The following RHBDL2 variants were observed in gnomAD, a reference collection of about 807,000 sequenced individuals.
RHBDL2 encodes the protein rhomboid like 2, also known as rhomboid-related protein 2.
Under a neutral mutation model 31.7 loss-of-function variants are expected in RHBDL2, and 26 were observed. The ratio of observed to expected loss-of-function variants is 0.82; its 90% confidence interval spans 0.60 to 1.14. The LOEUF (loss-of-function observed/expected upper bound fraction) is 1.14. RHBDL2 is among the 50% of genes most tolerant of loss of function. The pLI, the probability that RHBDL2 is intolerant of heterozygous loss-of-function variation, is 0.00. For synonymous variants in RHBDL2, 123 were observed against 127.2 expected (o/e 0.97, Z 0.22); for missense variants, 336 against 364.4 (o/e 0.92, Z 0.63).
chr1:38,911,055 A>T (rs1312348527), intron 4 of RHBDL2, among the ~76,000 whole-genome samples: 2 of 152,056 alleles, frequency 1.3e-5, no homozygotes, highest in East Asian at 3.9e-4. Context: ...CTGGGATTAC[A>T]GGCAGGAGCG....
intron 3 of RHBDL2, among the ~76,000 whole-genome samples, chr1:38,912,910 A>ATATATATATATATATGTGTGTGTG (rs1399583863): frequency 4.8e-5 from 2 of 41,390 alleles, no homozygotes; most frequent in African/African-American, 1.8e-4. Flanking sequence ...ATATATATAT[A>ATATATATATATATATGTGTGTGTG]TGTGTGTGTG....
intron 4 of RHBDL2, among the ~76,000 whole-genome samples, chr1:38,900,323 G>C (rs1482799227): frequency 6.6e-6 from 1 of 152,080 alleles, no homozygotes; most frequent in African/African-American, 2.4e-5. Flanking sequence ...GGGAGGCTGA[G>C]ACACAAGAAC....
At chr1:38,891,260 CAAAAAAAAA>C (rs11445131) in intron 6 of RHBDL2, among the ~76,000 whole-genome samples, 2 of 79,290 alleles carry the variant, frequency 2.5e-5, no homozygotes, top group Non-Finnish European at 4.6e-5. Flanking sequence ...GACTCCGTCT[CAAAAAAAAA>C]AAAAAAAAAA....
At chr1:38,937,099 C>A (rs1186911630) in intron 1 of RHBDL2, among the ~76,000 whole-genome samples, 1 of 152,016 alleles carries the variant, frequency 6.6e-6, no homozygotes, top group Non-Finnish European at 1.5e-5. Context: ...AGGCACCCGC[C>A]ACCACACCCA....
At chr1:38,929,422 G>A in intron 1 of RHBDL2, 1 of 1,289,424 alleles carries the variant, frequency 7.8e-7, no homozygotes, top group Non-Finnish European at 1.0e-6. Flanking sequence ...ACCCAGGAAG[G>A]CCCTGGCAAG....
intron 1 of RHBDL2, among the ~76,000 whole-genome samples, chr1:38,921,686 C>A (rs1326562354): frequency 6.6e-6 from 1 of 152,100 alleles, no homozygotes; most frequent in Non-Finnish European, 1.5e-5. Flanking sequence ...CTTTTTCTCT[C>A]CCCTGCATTT....
At chr1:38,936,742 C>T (rs1315967438) in intron 1 of RHBDL2, among the ~76,000 whole-genome samples, 1 of 151,936 alleles carries the variant, frequency 6.6e-6, no homozygotes, top group Non-Finnish European at 1.5e-5. Flanking sequence ...TCAGGTGATC[C>T]ACCCACCTCA....
At chr1:38,921,411 G>A (rs562517819) in intron 1 of RHBDL2, among the ~76,000 whole-genome samples, 2 of 152,132 alleles carry the variant, frequency 1.3e-5, no homozygotes, top group South Asian at 2.1e-4. Context: ...TATCTGGCAC[G>A]TAGTAAACAC....
At chr1:38,909,712 A>T (rs1272699744) in intron 4 of RHBDL2, among the ~76,000 whole-genome samples, 2 of 152,294 alleles carry the variant, frequency 1.3e-5, no homozygotes, top group East Asian at 3.9e-4. Context: ...ATTGCACTCC[A>T]GCCTGGACGA....
At chr1:38,895,889 G>T in intron 5 of RHBDL2, 80 bp downstream of exon 5, 1 of 858,802 alleles carries the variant, frequency 1.2e-6, no homozygotes, top group Non-Finnish European at 1.9e-6. Flanking sequence ...ATTGATAAAT[G>T]AAGGTTCGTT....
At chr1:38,927,991 C>T (rs954992345) in intron 1 of RHBDL2, among the ~76,000 whole-genome samples, 34 of 152,046 alleles carry the variant, frequency 2.2e-4, no homozygotes, top group Non-Finnish European at 3.8e-4. Context: ...GTGATTTCTA[C>T]GCACCAAGTG....
chr1:38,912,717 G>A (rs1643166613), intron 3 of RHBDL2, among the ~76,000 whole-genome samples: 1 of 151,378 alleles, frequency 6.6e-6, no homozygotes, highest in South Asian at 2.1e-4. Flanking sequence ...CACTGCTCCT[G>A]GCCACAGATT....
chr1:38,908,260 C>CCCAGCA (rs1643093668), intron 4 of RHBDL2, among the ~76,000 whole-genome samples: 1 of 151,582 alleles, frequency 6.6e-6, no homozygotes, highest in South Asian at 2.1e-4. Flanking sequence ...TGCCTGTAAT[C>CCCAGCA]CCAGCACTTT....
intron 1 of RHBDL2, among the ~76,000 whole-genome samples, chr1:38,937,306 C>T (rs1223356224): frequency 6.6e-6 from 1 of 152,176 alleles, no homozygotes; most frequent in East Asian, 1.9e-4. Context: ...GCACAGCACC[C>T]TTTAGTTTCT....
intron 4 of RHBDL2, among the ~76,000 whole-genome samples, chr1:38,898,212 G>A (rs920252938): frequency 2.6e-5 from 4 of 152,222 alleles, no homozygotes; most frequent in African/African-American, 7.2e-5. Context: ...TCTGAGGCAC[G>A]AGGATCACTT....
intron 4 of RHBDL2, among the ~76,000 whole-genome samples, chr1:38,901,508 G>C (rs867365814): frequency 6.8e-6 from 1 of 147,184 alleles, no homozygotes; most frequent in Non-Finnish European, 1.5e-5. Context: ...AAGAAAAAAA[G>C]AGAAAGAAAA....
At chr1:38,922,334 C>T (rs908293702) in intron 1 of RHBDL2, among the ~76,000 whole-genome samples, 2 of 122,852 alleles carry the variant, frequency 1.6e-5, no homozygotes, top group African/African-American at 7.0e-5. Flanking sequence ...GTGGCAGGAT[C>T]ACGGCTCATT....
chr1:38,934,685 C>A (rs946442639), intron 1 of RHBDL2, among the ~76,000 whole-genome samples: 10 of 130,376 alleles, frequency 7.7e-5, no homozygotes, highest in Non-Finnish European at 1.6e-4. Flanking sequence ...TGGCTGGGCG[C>A]GGTGGCTCAC....
At chr1:38,912,393 C>A (rs1225409573) in intron 3 of RHBDL2, among the ~76,000 whole-genome samples, 1 of 151,222 alleles carries the variant, frequency 6.6e-6, no homozygotes. Flanking sequence ...GCATGAGCCA[C>A]CGCGCCTGGC....
Sources: gnomAD v4.1 joint callset for allele counts (sites outside exome capture counted in the v4.1 genomes callset) on GRCh38, gnomAD v4.1.1 for gene constraint, MANE v1.5 for transcripts, NCBI Gene and HGNC (gene_info 2026-07-23, HGNC 2026-07-21) for gene names.